KAT6B: variants seen among roughly 807,000 people sequenced by gnomAD.
The protein encoded by KAT6B is lysine acetyltransferase 6B.
A neutral mutation model predicts 187.5 loss-of-function variants in KAT6B; 10 were observed. The observed-to-expected ratio is 0.05, with a 90% CI of 0.03 to 0.09. The LOEUF (loss-of-function observed/expected upper bound fraction) is 0.09, where lower values mean the gene tolerates loss of function less well. Among genes scored for constraint, KAT6B ranks in the 10% least tolerant of loss-of-function variants. KAT6B has a pLI of 1.00. For missense variants in KAT6B, 1,952 were observed against 2,558.9 expected (o/e 0.76, Z 5.12); for synonymous variants, 861 against 926.8 (o/e 0.93, Z 1.29).
chr10:74,970,317 A>G (rs1302153281), intron 6 of KAT6B, among the ~76,000 whole-genome samples: 1 of 151,800 alleles, frequency 6.6e-6, no homozygotes, highest in Non-Finnish European at 1.5e-5. Flanking sequence ...ACATATATAT[A>G]AAATAAAGGC....
intron 3 of KAT6B, among the ~76,000 whole-genome samples, chr10:74,941,560 A>G (rs2133291377): frequency 6.6e-6 from 1 of 152,342 alleles, no homozygotes; most frequent in South Asian, 2.1e-4. Flanking sequence ...AAAATTGGGT[A>G]ACTGAGATGA....
intron 3 of KAT6B, among the ~76,000 whole-genome samples, chr10:74,860,190 C>T (rs979434190): frequency 6.6e-6 from 1 of 152,036 alleles, no homozygotes; most frequent in African/African-American, 2.4e-5. Flanking sequence ...AAAGTGCCTT[C>T]TCTCTCCTGA....
Position 74,959,775 on chromosome 10 carries a change from C to G in KAT6B, c.622-195C>G, listed in dbSNP as rs141355447. On this transcript the variant is annotated intron_variant, in intron 3 of 17. Transcript: ENST00000287239. ...ACTGCACTACAACCTGGCGACAGAG[C>G]GAGACTTCGTCTCAAAAATAATATA... Among the ~76,000 whole-genome samples, 4 of 152,292 alleles carry G rather than the reference C, an allele frequency of 2.6e-5. No homozygotes were observed. The South Asian group carries it at 6.2e-4, about 24-fold the overall frequency.
chr10:74,884,575 AT>A (rs11414871), intron 3 of KAT6B, among the ~76,000 whole-genome samples: 8 of 150,292 alleles, frequency 5.3e-5, no homozygotes, highest in African/African-American at 7.3e-5. Context: ...GGTTTTCAAG[AT>A]TTTTTTTTTG....
intron 3 of KAT6B, among the ~76,000 whole-genome samples, chr10:74,867,762 C>T (rs1328148898): frequency 2.0e-5 from 3 of 152,156 alleles, no homozygotes; most frequent in African/African-American, 4.8e-5. Context: ...ACCAGTTGGT[C>T]AGTGAGCAGC....
chr10:74,836,285 C>T (rs929478585), intron 1 of KAT6B, among the ~76,000 whole-genome samples: 6 of 152,130 alleles, frequency 3.9e-5, no homozygotes, highest in East Asian at 1.9e-4. Context: ...CATGGGTGTA[C>T]GTGTACTTAT....
intron 1 of KAT6B, among the ~76,000 whole-genome samples, chr10:74,827,443 T>A (rs1840354047): frequency 6.6e-6 from 1 of 151,430 alleles, no homozygotes; most frequent in African/African-American, 2.4e-5. Context: ...ATTGCAGTGA[T>A]GGGAAAGAGG....
intron 13 of KAT6B, among the ~76,000 whole-genome samples, chr10:75,015,997 A>T (rs553556078): frequency 6.6e-6 from 1 of 152,298 alleles, no homozygotes; most frequent in Non-Finnish European, 1.5e-5. Context: ...ACATTATTCT[A>T]CTATGGTCCA....
intron 12 of KAT6B, among the ~76,000 whole-genome samples, chr10:74,988,586 C>G (rs1365515905): frequency 6.6e-6 from 1 of 152,224 alleles, no homozygotes; most frequent in Non-Finnish European, 1.5e-5. Flanking sequence ...AGGCAGAAGA[C>G]AGATTGCTGT....
At chr10:74,840,162 G>T (rs1030386408) in intron 2 of KAT6B, among the ~76,000 whole-genome samples, 4 of 152,226 alleles carry the variant, frequency 2.6e-5, no homozygotes, top group African/African-American at 9.6e-5. Context: ...TGTGTGGCAG[G>T]GGTATTGAGG....
chr10:74,940,785 ATT>A lies in KAT6B; in HGVS notation c.622-19183_622-19182del, dbSNP rs1400267111. Among the ~76,000 whole-genome samples, 15 of 152,086 alleles carry A rather than the reference ATT, an allele frequency of 9.9e-5. 1 individual carries two copies. The East Asian group carries it at 2.9e-3, about 29-fold the overall frequency. On this transcript the variant is annotated intron_variant, in intron 3 of 17. Transcript: ENST00000287239. ...AAAACATGTTTATGTACCTAAGCTC[ATT>A]TATGCCTTTGAGTCCCTAAATTAGG...
At chr10:74,972,693 G>A in intron 7 of KAT6B, 54 bp downstream of exon 7, 1 of 1,494,218 alleles carries the variant, frequency 6.7e-7, no homozygotes, top group South Asian at 1.1e-5. Flanking sequence ...TAAAATATAG[G>A]TGATTGTTAT....
At chr10:74,887,647 A>G (rs1564543773) in intron 3 of KAT6B, among the ~76,000 whole-genome samples, 1 of 151,960 alleles carries the variant, frequency 6.6e-6, no homozygotes, top group Non-Finnish European at 1.5e-5. Flanking sequence ...TTGAGCCATG[A>G]TGTCAGGCTG....
chr10:74,976,537 C>G (rs577023785), intron 8 of KAT6B: 4 of 615,732 alleles, frequency 6.5e-6, no homozygotes, highest in South Asian at 1.9e-5. Context: ...CCAACTAATA[C>G]TCTCCCACCT....
chr10:74,873,305 G>GAA (rs11310083), intron 3 of KAT6B, among the ~76,000 whole-genome samples: 3 of 133,034 alleles, frequency 2.3e-5, no homozygotes, highest in African/African-American at 2.6e-5. Flanking sequence ...TACAAAAAAT[G>GAA]AAAAAAAAAA....
intron 3 of KAT6B, among the ~76,000 whole-genome samples, chr10:74,859,096 A>G (rs1291059406): frequency 6.6e-6 from 1 of 151,800 alleles, no homozygotes; most frequent in Non-Finnish European, 1.5e-5. Flanking sequence ...TTATTTATTT[A>G]TTTAGACAAC....
rs990047621 is a variant in KAT6B at position 74,976,064 on chromosome 10, A to C, written c.1727A>C (p.Glu576Ala). Residue 576 changes from glutamate (E) to alanine (A), a missense_variant, in exon 8 of 18, where the codon GAA (glutamate) becomes GCA (alanine). Physicochemically the swap from Glu to Ala is moderately radical, Grantham distance 107. Transcript: ENST00000287239. ...APPKRMRRKT[E>A]LSSTAKSKAH... ...CCCAAACGTATGCGTCGTAAAACTGAATTATCTTCCACGGCAAAATCTAAA... is the reference window on the plus strand; with the variant it reads ...CCCAAACGTATGCGTCGTAAAACTGCATTATCTTCCACGGCAAAATCTAAA... 2.5e-6 allele frequency: 4 copies of C among 1,614,064 alleles called. No homozygotes were observed. The highest frequency in any genetic ancestry group is 4.5e-5 in the East Asian group (2 of 44,900).
At chr10:74,956,038 C>T (rs545704592) in intron 3 of KAT6B, among the ~76,000 whole-genome samples, 1 of 152,302 alleles carries the variant, frequency 6.6e-6, no homozygotes, top group East Asian at 1.9e-4. Context: ...GTCCTCCCAC[C>T]TCAACTCCCC....
In KAT6B at chr10:75,008,505, T is replaced by G. The variant is rs949702572; in HGVS notation, c.2630-12077T>G. Among the ~76,000 whole-genome samples, 3 of 152,202 alleles carry G rather than the reference T, an allele frequency of 2.0e-5. No homozygotes were observed. The South Asian group carries it at 6.2e-4, about 32-fold the overall frequency. On this transcript the variant is annotated intron_variant, in intron 13 of 17. Transcript: ENST00000287239. ...ACAGGCTTCCTTCTTCTTAAGAAGG[T>G]GATTGTCTGTTCATAGACTAGGAGT... is the stretch of plus-strand genomic sequence containing the variant.
Sources: allele counts gnomAD v4.1 joint callset (sites outside exome capture counted in the v4.1 genomes callset), GRCh38; gene constraint gnomAD v4.1.1; transcripts MANE v1.5; gene names NCBI Gene and HGNC (gene_info 2026-07-23, HGNC 2026-07-21).